Variants in ARHGEF40 observed in about 807,000 individuals in gnomAD.
ARHGEF40 encodes the protein Rho guanine nucleotide exchange factor 40, also known as Rho guanine nucleotide exchange factor (GEF) 40.
Under a neutral mutation model 165.9 loss-of-function variants are expected in ARHGEF40, and 98 were observed. The ratio of observed to expected loss-of-function variants is 0.59; its 90% CI spans 0.50 to 0.70. The LOEUF is 0.70. ARHGEF40 is among the 30% of genes least tolerant of loss of function. The pLI, the probability that ARHGEF40 is intolerant of heterozygous loss-of-function variation, is 0.00. For missense variants in ARHGEF40, 1,815 were observed against 1,968.0 expected, an observed-to-expected ratio of 0.92 and a Z score of 1.47; for synonymous variants, 792 against 814.3, an observed-to-expected ratio of 0.97 and a Z score of 0.47.
chr14:21,067,461 T>G (rs1028037756), upstream of ARHGEF40, among the ~76,000 whole-genome samples: 1 of 152,206 alleles, frequency 6.6e-6, no homozygotes, highest in African/African-American at 2.4e-5. Flanking sequence ...TATAACTTAC[T>G]GGTTGCGACT....
chr14:21,063,300 G>A, the ARHGEF40 span, among the ~76,000 whole-genome samples: 3 of 152,264 alleles, frequency 2.0e-5, no homozygotes, highest in East Asian at 5.8e-4. Flanking sequence ...AATGGAATTA[G>A]GAGTGCTATA....
At chr14:21,083,115 G>A (rs1888058732) in intron 16 of ARHGEF40, among the ~76,000 whole-genome samples, 198 bp downstream of exon 16, 1 of 152,150 alleles carries the variant, frequency 6.6e-6, no homozygotes, top group Non-Finnish European at 1.5e-5. Flanking sequence ...GAGGGACTGG[G>A]CAGGACTCCT....
At chr14:21,077,463 G>A (rs1157484559) in intron 8 of ARHGEF40, among the ~76,000 whole-genome samples, 4 of 151,918 alleles carry the variant, frequency 2.6e-5, no homozygotes, top group Admixed American at 2.0e-4. Flanking sequence ...GATTTTTGGT[G>A]GGAGATAAAT....
At chr14:21,062,851 T>G in the ARHGEF40 span, among the ~76,000 whole-genome samples, 1 of 150,360 alleles carries the variant, frequency 6.7e-6, no homozygotes, top group African/African-American at 2.5e-5. Flanking sequence ...CAGTGGCTCA[T>G]GCCTATAATT....
chr14:21,085,664 C>T (rs59867141), intron 18 of ARHGEF40, 25 bp from the exon 19 acceptor site: 86,110 of 1,607,994 alleles, frequency 0.054, 2,830 homozygotes, highest in African/African-American at 0.14. Context: ...TCTGTCTTCA[C>T]CCGCTGCCCT....
intron 8 of ARHGEF40, among the ~76,000 whole-genome samples, chr14:21,077,393 A>G (rs1887519341): frequency 6.8e-6 from 1 of 147,370 alleles, no homozygotes; most frequent in African/African-American, 2.5e-5. Context: ...TGCTAAGATT[A>G]CAGGCATGAG....
intron 18 of ARHGEF40, 118 bp from the exon 19 acceptor site, chr14:21,085,571 T>G: frequency 1.6e-6 from 2 of 1,227,190 alleles, no homozygotes; most frequent in Non-Finnish European, 2.3e-6. Flanking sequence ...GTGATAGGTG[T>G]TGAGCAAACG....
At position 21,072,053 on chromosome 14, in the gene ARHGEF40, T is replaced by G. The variant is rs1275328677; in HGVS notation, c.4-992T>G. ...TGCATTGAGTATCCCCTTCCCCATT[T>G]ACAGCAAAAAAGAAAAAAAAATTCC... On this transcript the variant is annotated intron_variant, in intron 1 of 23. Transcript: ENST00000298694. This position sits in a 1 kb window ranked among gnomAD's most constrained non-coding sequence, Gnocchi z 4.1. 6.6e-6 allele frequency among the ~76,000 whole-genome samples: 1 copy of G among 152,050 alleles called. No individual in the cohort carries two copies. Among genetic ancestry groups the G allele is most frequent in the Non-Finnish European group, 1.5e-5 (1 of 67,998 alleles).
In ARHGEF40 at chr14:21,090,209, C is replaced by G. The variant is rs1177279680; in HGVS notation, c.*1201C>G. ...GGTACAGTGCCCCCCACCCTCACCC[C>G]TTGTACAAAAATAAACTCTCACGCC... On this transcript the variant is annotated 3_prime_UTR_variant, in exon 24 of 24. Transcript: ENST00000298694. The surrounding 1 kb of genome is among the most constrained non-coding windows in gnomAD (Gnocchi z 4.4). 1.7e-6 allele frequency: 1 copy of G among 580,134 alleles called. No homozygotes were observed. Among genetic ancestry groups the G allele is most frequent in the Non-Finnish European group, 3.3e-6 (1 of 306,282 alleles). 35.9% of individuals were successfully genotyped at this position (580,134 alleles called of 1,614,324 possible).
chr14:21,085,913 G>GC, intron 19 of ARHGEF40, 47 bp downstream of exon 19: 1 of 1,602,812 alleles, frequency 6.2e-7, no homozygotes, highest in Non-Finnish European at 8.5e-7. Context: ...CAGGGTTATA[G>GC]CAGGAAGTTT....
rs1887907072 is a variant in ARHGEF40, at chr14:21,081,637, G to A, written c.2769G>A (p.Arg923=). 1 of 1,608,994 alleles carries A rather than the reference G, an allele frequency of 6.2e-7. No homozygotes were observed. Among genetic ancestry groups the A allele is most frequent in the South Asian group, 1.1e-5 (1 of 90,796 alleles). Residue 923 remains arginine, a synonymous_variant, in exon 14 of 24, where the codon CGG becomes CGA. Coordinates refer to ENST00000298694, the MANE Select transcript of ARHGEF40 (RefSeq NM_018071.5). ...GTGCCGGCACCTTCCAGGAGATGCG[G>A]GCCCTGGCCCTGGACCTGGGCAGCC... The part of the protein sequence containing the change: ...EPSAGTFQEM[R]ALALDLGSPA...
the ARHGEF40 span, among the ~76,000 whole-genome samples, chr14:21,062,708 A>AGAGT: frequency 1.5e-5 from 2 of 130,978 alleles, no homozygotes; most frequent in Non-Finnish European, 3.2e-5. Flanking sequence ...GGCTGGGCAC[A>AGAGT]GTGTGTGTGT....
At chr14:21,086,907 G>GAA (rs768361533) in intron 19 of ARHGEF40, 94 bp from the exon 20 acceptor site, 1,171 of 720,148 alleles carry the variant, frequency 1.6e-3, no homozygotes, top group South Asian at 1.8e-3. Flanking sequence ...GGGAAGGAAC[G>GAA]AAAAAAAAAA....
rs372945445 is a variant in ARHGEF40, at chr14:21,084,001, A to T, written c.3740A>T (p.Glu1247Val). ...GCTGTACAGCTGCTCCGGGAACAAG[A>T]GGCCCGTGGCAGAGACCTGCTGGCC... ...GAAVQLLREQEARGRDLLAVE... is the reference protein window; with the variant it reads ...GAAVQLLREQVARGRDLLAVE... Residue 1247 changes from glutamate (E) to valine (V), a missense_variant, in exon 17 of 24, where the codon GAG becomes GTG. By Grantham distance (121) the Glu-to-Val change is moderately radical. Coordinates refer to ENST00000298694, the MANE Select transcript of ARHGEF40 (RefSeq NM_018071.5). 25 of 1,612,608 alleles carry T rather than the reference A, an allele frequency of 1.6e-5. No individual in the cohort carries two copies. The highest frequency in any genetic ancestry group is 2.1e-5 in the Non-Finnish European group (25 of 1,179,780).
rs2139230963 is a variant in ARHGEF40 at position 21,078,201 on chromosome 14, T to G, written c.2059T>G (p.Cys687Gly). 6.2e-7 allele frequency: 1 copy of G among 1,613,980 alleles called. No homozygotes were observed. The highest frequency in any genetic ancestry group is 2.2e-5 in the East Asian group (1 of 44,878). ...GGAAGTGGTAAGGCTATGTCGCCTG[T>G]GCCAAGGTGTGCTGGGCTCGGTACG... ...HQEVVRLCRL[C>G]QGVLGSVRQA... Residue 687 changes from cysteine to glycine, a missense_variant, in exon 9 of 24, where the codon TGC becomes GGC. Coordinates refer to ENST00000298694, the MANE Select transcript of ARHGEF40 (RefSeq NM_018071.5).
upstream of ARHGEF40, among the ~76,000 whole-genome samples, chr14:21,068,318 G>GAA (rs34795666): frequency 1.0e-5 from 1 of 99,520 alleles, no homozygotes; most frequent in African/African-American, 3.1e-5. Flanking sequence ...TTTTCTCCAT[G>GAA]AAAAAAAAAA....
chr14:21,074,591 G>C lies in ARHGEF40; in HGVS notation c.861G>C (p.Arg287=). The C allele has an allele frequency of 6.4e-7, 1 of 1,568,000 alleles. No individual in the cohort carries two copies. Among genetic ancestry groups the C allele is most frequent in the Non-Finnish European group, 8.6e-7 (1 of 1,156,954 alleles). ...GGAAGGGCCGCCACCGGAGACACCG[G>C]GCGTGGATGCACCAGAAGGGCCTGG... ...AGGKGRHRRH[R]AWMHQKGLGP... Residue 287 remains arginine, a synonymous_variant, in exon 3 of 24, where the codon CGG becomes CGC. Coordinates refer to ENST00000298694, the MANE Select transcript of ARHGEF40 (RefSeq NM_018071.5). This position sits in a 1 kb window ranked among gnomAD's most constrained non-coding sequence, Gnocchi z 4.8.
In ARHGEF40 at chr14:21,072,579, C is replaced by T. The variant is rs1249222621; in HGVS notation, c.4-466C>T. On this transcript the variant is annotated intron_variant, in intron 1 of 23. Transcript: ENST00000298694. The surrounding 1 kb of genome is among the most constrained non-coding windows in gnomAD (Gnocchi z 4.1). The stretch of plus-strand genomic sequence containing the variant: ...TGGGACATAATTGTGGGTGATGGCA[C>T]CTCCACCTAAGATGGGGAGCCCTGG... Among the ~76,000 whole-genome samples, 1 of 152,142 alleles carries T rather than the reference C, an allele frequency of 6.6e-6. No homozygotes were observed. Among genetic ancestry groups the T allele is most frequent in the Non-Finnish European group, 1.5e-5 (1 of 68,024 alleles).
chr14:21,080,732 G>A lies in ARHGEF40; in HGVS notation c.2446G>A (p.Ala816Thr). ...TGCTATGCCTGGGGACACCTTGTCTGCCCTGCAGGAGACAGAGCTGCGATT... is the reference window on the plus strand; with the variant it reads ...TGCTATGCCTGGGGACACCTTGTCTACCCTGCAGGAGACAGAGCTGCGATT... ...SFAMPGDTLS[A>T]LQETELRFRA... is the part of the protein sequence containing the mutation. The change falls in exon 12 of 24, where the codon GCC becomes ACC. Residue 816 changes from alanine to threonine, a missense_variant. Physicochemically the swap from Ala to Thr is moderately conservative, Grantham distance 58. Transcript: ENST00000298694. The A allele has an allele frequency of 6.2e-7, 1 of 1,611,866 alleles. No individual in the cohort carries two copies. The highest frequency in any genetic ancestry group is 8.5e-7 in the Non-Finnish European group (1 of 1,178,856).
Sources: gnomAD v4.1 joint callset for allele counts (sites outside exome capture counted in the v4.1 genomes callset) on GRCh38, gnomAD v4.1.1 for gene constraint, Gnocchi (gnomAD v3.1) non-coding constraint, MANE v1.5 for transcripts, NCBI Gene and HGNC (gene_info 2026-07-23, HGNC 2026-07-21) for gene names.